DPF3: variants seen among roughly 807,000 people sequenced by gnomAD.
DPF3 encodes the protein zinc finger protein DPF3.
In DPF3, 18 loss-of-function variants were observed where a neutral mutation model predicts 56.8. That is an observed-to-expected ratio of 0.32 (90% CI 0.22 to 0.47). The LOEUF (loss-of-function observed/expected upper bound fraction) is 0.47, where lower values mean the gene tolerates loss of function less well. DPF3 is among the 20% of genes least tolerant of loss of function. The pLI, the probability that DPF3 is intolerant of heterozygous loss-of-function variation, is 1.00. For synonymous variants in DPF3, 188 were observed against 180.2 expected, an observed-to-expected ratio of 1.04 and a Z score of -0.35; for missense variants, 403 against 488.8, an observed-to-expected ratio of 0.82 and a Z score of 1.65.
intron 1 of DPF3, among the ~76,000 whole-genome samples, chr14:72,798,232 A>G (rs1220586740): frequency 7.4e-6 from 1 of 134,604 alleles, no homozygotes; most frequent in Non-Finnish European, 1.6e-5. Context: ...CTAGCCAGGG[A>G]AGACAGAGCT....
intron 9 of DPF3, among the ~76,000 whole-genome samples, chr14:72,622,518 A>C (rs1884520582): frequency 6.6e-6 from 1 of 152,172 alleles, no homozygotes; most frequent in African/African-American, 2.4e-5. Context: ...AAACAGTAAT[A>C]ACCCCTACTA....
Position 72,774,262 on chromosome 14 carries a change from T to TAAAA in DPF3, c.33-2373_33-2370dup, listed in dbSNP as rs777564213. Among the ~76,000 whole-genome samples, 69 of 61,004 alleles carry TAAAA rather than the reference T, an allele frequency of 1.1e-3. 1 individual carries two copies. Among genetic ancestry groups the TAAAA allele is most frequent in the Admixed American group, 3.0e-3 (13 of 4,284 alleles). 40.0% of individuals were successfully genotyped at this position (61,004 alleles called of 152,430 possible). On this transcript the variant is annotated intron_variant, in intron 1 of 10. Coordinates refer to ENST00000556509, the MANE Select transcript of DPF3 (RefSeq NM_001280542.3). ...CTGGGCGACAGGGTGAGACTCTGTC[T>TAAAA]AAAAAAAAAAAAAAAAAAAAAAAAA...
intron 3 of DPF3, among the ~76,000 whole-genome samples, chr14:72,733,678 C>T (rs1019011009): frequency 4.6e-5 from 7 of 152,106 alleles, no homozygotes; most frequent in Non-Finnish European, 7.4e-5. Flanking sequence ...TACCGAGCTC[C>T]GAGCAGGGTG....
At chr14:72,818,063 T>C (rs12433780) in intron 1 of DPF3, among the ~76,000 whole-genome samples, 14,208 of 151,860 alleles carry the variant, frequency 0.094, 817 homozygotes, top group Admixed American at 0.18. Context: ...CTGGCCAACA[T>C]GGTGAAACCC....
chr14:72,669,925 T>A, intron 8 of DPF3: 7 of 985,892 alleles, frequency 7.1e-6, no homozygotes, highest in Non-Finnish European at 8.4e-6. Context: ...TTTGCCCACA[T>A]TGCAAGACAG....
intron 1 of DPF3, among the ~76,000 whole-genome samples, chr14:72,829,988 C>T (rs150304818): frequency 1.2e-3 from 184 of 152,242 alleles, no homozygotes; most frequent in African/African-American, 4.2e-3. Context: ...TCAAGTGATC[C>T]GCCCACCTCG....
intron 1 of DPF3, among the ~76,000 whole-genome samples, chr14:72,794,960 C>T (rs900058157): frequency 4.6e-5 from 7 of 152,024 alleles, no homozygotes; most frequent in Non-Finnish European, 8.8e-5. Flanking sequence ...TGACTCTGAC[C>T]GTCCTGTCTC....
intron 1 of DPF3, among the ~76,000 whole-genome samples, chr14:72,858,334 T>A (rs893223337): frequency 6.8e-6 from 1 of 147,236 alleles, no homozygotes; most frequent in African/African-American, 2.5e-5. Flanking sequence ...AACCCAGGTG[T>A]GTCCAACTCC....
rs1889348119 is a variant in DPF3 at position 72,725,142 on chromosome 14, G to A, written c.430-1414C>T. 2.6e-5 allele frequency among the ~76,000 whole-genome samples: 4 copies of A among 152,034 alleles called. No individual in the cohort carries two copies. In the South Asian group the frequency reaches 8.3e-4, roughly 32 times the overall value. ...CATCTACAAACATTTATCTAGTGCTGACTACGTGGCAGGCTCCATGCTAGG... is the reference window on the plus strand; with the variant it reads ...CATCTACAAACATTTATCTAGTGCTAACTACGTGGCAGGCTCCATGCTAGG... On this transcript the variant is annotated intron_variant, in intron 4 of 10. Coordinates refer to ENST00000556509, the MANE Select transcript of DPF3 (RefSeq NM_001280542.3).
At chr14:72,724,331 G>A (rs984375899) in intron 4 of DPF3, among the ~76,000 whole-genome samples, 3 of 151,188 alleles carry the variant, frequency 2.0e-5, no homozygotes, top group African/African-American at 7.3e-5. Flanking sequence ...CCAGCAGCCC[G>A]CCAGTCACAT....
chr14:72,863,100 A>ATATATGTGTG (rs1413440131), intron 1 of DPF3, among the ~76,000 whole-genome samples: 2 of 110,606 alleles, frequency 1.8e-5, no homozygotes, highest in African/African-American at 7.0e-5. Context: ...ATATATATAT[A>ATATATGTGTG]TGTGTGTGTA....
intron 3 of DPF3, among the ~76,000 whole-genome samples, chr14:72,736,975 C>T (rs1291986659): frequency 4.0e-5 from 6 of 151,816 alleles, no homozygotes; most frequent in Admixed American, 1.3e-4. Flanking sequence ...CCAAGCCAGC[C>T]GCCTCCCTGG....
chr14:72,884,874 A>T (rs1181414727), intron 1 of DPF3, among the ~76,000 whole-genome samples: 2 of 143,674 alleles, frequency 1.4e-5, no homozygotes, highest in East Asian at 4.2e-4. Flanking sequence ...AGGCGGGCGG[A>T]TCACGAGGTC....
chr14:72,619,534 G>A (rs982457893), intron 10 of DPF3, among the ~76,000 whole-genome samples, 167 bp from the exon 11 acceptor site: 14 of 152,204 alleles, frequency 9.2e-5, no homozygotes, highest in Non-Finnish European at 1.6e-4. Flanking sequence ...CAGAAAGCAG[G>A]TGCTCAGAGG....
intron 3 of DPF3, among the ~76,000 whole-genome samples, chr14:72,746,945 G>T (rs977310028): frequency 6.6e-6 from 1 of 152,234 alleles, no homozygotes; most frequent in Non-Finnish European, 1.5e-5. Flanking sequence ...AAAGCAGGCT[G>T]TGAACTCAGC....
chr14:72,742,787 G>C (rs1394386400), intron 3 of DPF3: 1 of 152,432 alleles, frequency 6.6e-6, no homozygotes, highest in Non-Finnish European at 1.5e-5. Flanking sequence ...AAAAGCTGGG[G>C]AAGTTGGCCG....
intron 1 of DPF3, among the ~76,000 whole-genome samples, chr14:72,841,165 G>A (rs1019672585): frequency 3.1e-5 from 4 of 130,624 alleles, no homozygotes; most frequent in Admixed American, 1.6e-4. Context: ...TAGCTTGTTT[G>A]GGGGTCAGGG....
At chr14:72,846,458 T>A (rs1164064543) in intron 1 of DPF3, among the ~76,000 whole-genome samples, 1 of 151,502 alleles carries the variant, frequency 6.6e-6, no homozygotes, top group Non-Finnish European at 1.5e-5. Flanking sequence ...GCCACAGCCT[T>A]TGGAGTAGCT....
intron 8 of DPF3, among the ~76,000 whole-genome samples, chr14:72,673,467 C>T (rs1460269713): frequency 2.0e-5 from 3 of 152,142 alleles, no homozygotes; most frequent in African/African-American, 4.8e-5. Flanking sequence ...GTAGTACCAA[C>T]CAACCATGGC....
Sources: allele counts gnomAD v4.1 joint callset (sites outside exome capture counted in the v4.1 genomes callset), GRCh38; gene constraint gnomAD v4.1.1; transcripts MANE v1.5; gene names NCBI Gene and HGNC (gene_info 2026-07-23, HGNC 2026-07-21).